LYRM4: variants seen among roughly 807,000 people sequenced by gnomAD.
LYRM4 encodes LYR motif containing 4, also known as LYR motif-containing protein 4.
LYRM4 carries 9 observed loss-of-function variants against 11.7 expected under a neutral mutation model. The observed-to-expected ratio is 0.77, with a 90% CI of 0.46 to 1.34. The LOEUF is 1.34. Among genes scored for constraint, LYRM4 ranks in the 40% most tolerant of loss-of-function variants. LYRM4 has a pLI of 0.00. For missense variants in LYRM4, 133 were observed against 112.5 expected (o/e 1.18, Z -0.82); for synonymous variants, 42 against 40.4 (o/e 1.04, Z -0.15).
rs1404388325 is a variant in LYRM4 at position 5,109,239 on chromosome 6, G to GA, written c.*183dup. 13 of 1,450,152 alleles carry GA rather than the reference G, an allele frequency of 9.0e-6. No homozygotes were observed. Among genetic ancestry groups the GA allele is most frequent in the Non-Finnish European group, 1.0e-5 (11 of 1,101,270 alleles). The allele number at this position is 1,450,152 out of a possible 1,614,324, so 89.8% of individuals were successfully genotyped here. A position where few individuals can be genotyped will look rare whatever the true frequency, so the allele number is the denominator to read the frequency against. ...TCTCCATTCTAACACTTGAACCAAG[G>GA]AAAGACAGCAGTCCTTTTTCACTAA... is the stretch of plus-strand genomic sequence containing the variant. On this transcript the variant is annotated 3_prime_UTR_variant, in exon 3 of 3. Coordinates refer to ENST00000330636, the MANE Select transcript of LYRM4 (RefSeq NM_020408.6).
At chr6:5,060,747 C>T in the LYRM4 span, among the ~76,000 whole-genome samples, 14 of 152,216 alleles carry the variant, frequency 9.2e-5, no homozygotes, top group Admixed American at 7.2e-4. Context: ...AGGCTGGTCT[C>T]GAACTCCTGA....
chr6:5,180,340 G>A (rs1213446925), intron 2 of LYRM4, among the ~76,000 whole-genome samples: 4 of 152,130 alleles, frequency 2.6e-5, no homozygotes. Flanking sequence ...TCCTTACTGT[G>A]ACAATGTCAA....
intron 2 of LYRM4, among the ~76,000 whole-genome samples, chr6:5,179,078 A>AC (rs1209297150): frequency 3.1e-4 from 46 of 149,950 alleles, no homozygotes; most frequent in Middle Eastern, 3.4e-3. Flanking sequence ...AAAAAAAAAA[A>AC]AAAAAAAAAA....
the LYRM4 span, among the ~76,000 whole-genome samples, chr6:5,068,418 TC>T: frequency 6.6e-6 from 1 of 152,174 alleles, no homozygotes; most frequent in Non-Finnish European, 1.5e-5. The surrounding 1 kb of genome is among the most constrained non-coding windows in gnomAD (Gnocchi z 4.0). Flanking sequence ...TGTCCTGACT[TC>T]ACAGTGCCAT....
At chr6:5,225,915 T>C (rs1762864460) in intron 1 of LYRM4, among the ~76,000 whole-genome samples, 1 of 152,246 alleles carries the variant, frequency 6.6e-6, no homozygotes. Flanking sequence ...TATTTCATCT[T>C]AATTGCCTTT....
At chr6:5,079,360 A>G in the LYRM4 span, among the ~76,000 whole-genome samples, 1 of 152,234 alleles carries the variant, frequency 6.6e-6, no homozygotes, top group South Asian at 2.1e-4. Context: ...TGATAAGAAT[A>G]TTCTCTTCTT....
At chr6:5,054,321 CAG>C in the LYRM4 span, 1 of 156,586 alleles carries the variant, frequency 6.4e-6, no homozygotes, top group South Asian at 2.0e-4. Flanking sequence ...GATGTGGAAA[CAG>C]AGGCTTAAGG....
chr6:5,073,778 G>A, the LYRM4 span, among the ~76,000 whole-genome samples: 12 of 152,208 alleles, frequency 7.9e-5, no homozygotes, highest in Non-Finnish European at 1.3e-4. Flanking sequence ...AAGAGGGAGC[G>A]TTGGCAAGAG....
chr6:5,174,797 T>C (rs1759626871), intron 2 of LYRM4, among the ~76,000 whole-genome samples: 1 of 152,198 alleles, frequency 6.6e-6, no homozygotes, highest in Non-Finnish European at 1.5e-5. Context: ...TTGTCATGCT[T>C]AGGACAAGTT....
intron 1 of LYRM4, among the ~76,000 whole-genome samples, chr6:5,226,884 T>G (rs1174064047): frequency 6.6e-6 from 1 of 152,038 alleles, no homozygotes; most frequent in African/African-American, 2.4e-5. Context: ...ATAATAAAAA[T>G]CAGTAATATA....
the LYRM4 span, among the ~76,000 whole-genome samples, chr6:5,049,679 T>C: frequency 1.3e-5 from 2 of 152,028 alleles, no homozygotes; most frequent in African/African-American, 4.8e-5. Flanking sequence ...GTCATTTTTT[T>C]TTTTTTTGGA....
intron 2 of LYRM4, among the ~76,000 whole-genome samples, chr6:5,156,024 A>C (rs891537471): frequency 6.6e-6 from 1 of 152,206 alleles, no homozygotes; most frequent in Non-Finnish European, 1.5e-5. Context: ...CAGATTTATA[A>C]TCTGTTATTC....
chr6:5,184,828 C>T (rs1005916639), intron 2 of LYRM4, among the ~76,000 whole-genome samples: 4 of 152,142 alleles, frequency 2.6e-5, no homozygotes, highest in African/African-American at 4.8e-5. Context: ...AATGAGCAGA[C>T]GGTCCTTGCA....
chr6:5,125,149 C>T (rs1459709134), intron 2 of LYRM4, among the ~76,000 whole-genome samples: 1 of 152,228 alleles, frequency 6.6e-6, no homozygotes, highest in Non-Finnish European at 1.5e-5. Context: ...CTGTGCCCCA[C>T]CTTGCTGCAC....
chr6:5,103,918 G>A (rs1330002406), downstream of LYRM4: 2 of 149,086 alleles, frequency 1.3e-5, no homozygotes, highest in East Asian at 2.0e-4. Flanking sequence ...TTACAGGTGT[G>A]AGCCACCACA....
rs190365188 is a variant in LYRM4, at chr6:5,173,919, C to T, written c.207+42699G>A. ...GGCAGATTCCTGGCAGTATGGGTTG[C>T]TGTGGTATGAAAAGATCTGTGAAGT... On this transcript the variant is annotated intron_variant, in intron 2 of 2. Coordinates refer to ENST00000330636, the MANE Select transcript of LYRM4 (RefSeq NM_020408.6). 4.6e-5 allele frequency among the ~76,000 whole-genome samples: 7 copies of T among 152,270 alleles called. No homozygotes were observed. In the East Asian group the frequency reaches 1.2e-3, roughly 25 times the overall value.
chr6:5,133,971 C>T (rs1218803248), intron 2 of LYRM4, among the ~76,000 whole-genome samples: 7 of 152,174 alleles, frequency 4.6e-5, no homozygotes, highest in Admixed American at 1.3e-4. Context: ...TATTCCATTG[C>T]GTGGAAATAC....
At chr6:5,226,719 G>A (rs943042723) in intron 1 of LYRM4, among the ~76,000 whole-genome samples, 2 of 152,056 alleles carry the variant, frequency 1.3e-5, no homozygotes, top group South Asian at 2.1e-4. Flanking sequence ...TTTGATATTC[G>A]GGATGATCTC....
At chr6:5,124,657 C>T (rs561109704) in intron 2 of LYRM4, among the ~76,000 whole-genome samples, 3 of 152,272 alleles carry the variant, frequency 2.0e-5, no homozygotes, top group South Asian at 2.1e-4. Context: ...CAACAGTGGG[C>T]GGCAGACTTC....
Sources: allele counts gnomAD v4.1 joint callset (sites outside exome capture counted in the v4.1 genomes callset), GRCh38; gene constraint gnomAD v4.1.1; non-coding constraint Gnocchi (gnomAD v3.1); transcripts MANE v1.5; gene names NCBI Gene and HGNC (gene_info 2026-07-23, HGNC 2026-07-21).